Variants in MECOM observed in about 807,000 individuals in gnomAD.
MECOM encodes histone-lysine N-methyltransferase MECOM.
Under a neutral mutation model 116.3 loss-of-function variants are expected in MECOM, and 13 were observed. The ratio of observed to expected loss-of-function variants is 0.11; its 90% CI spans 0.07 to 0.18. MECOM has a LOEUF of 0.18. Among genes scored for constraint, MECOM ranks in the 10% least tolerant of loss-of-function variants. The pLI is 1.00. For synonymous variants in MECOM, 528 were observed against 535.2 expected (o/e 0.99, Z 0.19); for missense variants, 1,299 against 1,509.0 (o/e 0.86, Z 2.31).
At chr3:169,293,114 G>A (rs746309652) in intron 2 of MECOM, among the ~76,000 whole-genome samples, 4 of 152,172 alleles carry the variant, frequency 2.6e-5, no homozygotes, top group Non-Finnish European at 4.4e-5. Context: ...CCTATCGCAG[G>A]AGGAGTCAGC....
intron 2 of MECOM, among the ~76,000 whole-genome samples, chr3:169,282,519 C>T (rs1205943289): frequency 6.6e-6 from 1 of 152,040 alleles, no homozygotes; most frequent in African/African-American, 2.4e-5. Flanking sequence ...TTAAATAGAC[C>T]ACTTTTATTT....
chr3:169,303,404 A>G (rs1717116305), intron 2 of MECOM, among the ~76,000 whole-genome samples: 1 of 152,272 alleles, frequency 6.6e-6, no homozygotes, highest in African/African-American at 2.4e-5. Flanking sequence ...CTAAATGCCA[A>G]CTCTGTGCCT....
At chr3:169,316,894 A>G (rs1338754669) in intron 2 of MECOM, among the ~76,000 whole-genome samples, 1 of 152,218 alleles carries the variant, frequency 6.6e-6, no homozygotes, top group Non-Finnish European at 1.5e-5. Flanking sequence ...ACTGTGTGTC[A>G]TTAGTTAAAA....
chr3:169,301,900 C>T (rs1716784967), intron 2 of MECOM, among the ~76,000 whole-genome samples: 1 of 151,704 alleles, frequency 6.6e-6, no homozygotes. Context: ...ATGATGGGGG[C>T]AACACAAAGG....
At chr3:169,112,996 T>TA (rs1217538390) in intron 8 of MECOM, 122 bp from the exon 9 acceptor site, 2 of 671,372 alleles carry the variant, frequency 3.0e-6, no homozygotes, top group African/African-American at 3.6e-5. Flanking sequence ...AGCGCACTCA[T>TA]AAAACTATAG....
chr3:169,199,419 C>A (rs1221851213), intron 2 of MECOM, among the ~76,000 whole-genome samples: 1 of 151,892 alleles, frequency 6.6e-6, no homozygotes, highest in African/African-American at 2.4e-5. Flanking sequence ...TGTTTTCTTT[C>A]TTTTCTTTTC....
At chr3:169,355,166 T>C (rs1370204086) in intron 2 of MECOM, among the ~76,000 whole-genome samples, 1 of 151,982 alleles carries the variant, frequency 6.6e-6, no homozygotes, top group East Asian at 1.9e-4. Context: ...TGAGTGCGAT[T>C]AGCAGCGAAA....
At chr3:169,365,854 A>G (rs1729065265) in intron 2 of MECOM, among the ~76,000 whole-genome samples, 3 of 152,046 alleles carry the variant, frequency 2.0e-5, no homozygotes, top group African/African-American at 7.2e-5. Context: ...AAAAATTGGG[A>G]AAGGGTCTGT....
At chr3:169,423,789 A>T (rs905563713) in intron 1 of MECOM, among the ~76,000 whole-genome samples, 1 of 152,140 alleles carries the variant, frequency 6.6e-6, no homozygotes, top group African/African-American at 2.4e-5. Flanking sequence ...AAAGACAAAG[A>T]TTCAGTTCTC....
At chr3:169,652,377 A>C (rs1426929825) in intron 1 of MECOM, among the ~76,000 whole-genome samples, 1 of 152,208 alleles carries the variant, frequency 6.6e-6, no homozygotes, top group Admixed American at 6.5e-5. Flanking sequence ...TATGCTAAGC[A>C]TAAAAGCTGT....
At chr3:169,288,811 C>T (rs1713892992) in intron 2 of MECOM, among the ~76,000 whole-genome samples, 1 of 152,176 alleles carries the variant, frequency 6.6e-6, no homozygotes, top group South Asian at 2.1e-4. Flanking sequence ...CTTTCAACTA[C>T]CTGTGTTATC....
chr3:169,415,020 G>A (rs4955652), intron 1 of MECOM, among the ~76,000 whole-genome samples: 6,741 of 152,202 alleles, frequency 0.044, 455 homozygotes, highest in Admixed American at 0.19. Flanking sequence ...TCAAATTCAG[G>A]AAATACAGAG....
chr3:169,483,047 A>G (rs1032931178), intron 1 of MECOM, among the ~76,000 whole-genome samples: 2 of 152,164 alleles, frequency 1.3e-5, no homozygotes, highest in African/African-American at 4.8e-5. Flanking sequence ...CTTGGTATTC[A>G]CCTCAACTCG....
intron 2 of MECOM, among the ~76,000 whole-genome samples, chr3:169,237,986 C>T (rs1484532325): frequency 6.6e-6 from 1 of 151,788 alleles, no homozygotes; most frequent in Non-Finnish European, 1.5e-5. Context: ...ACCAGCCTGG[C>T]CAGCATGGTG....
At position 169,083,515 on chromosome 3, in the gene MECOM, G is replaced by C. The variant is rs1716813747; in HGVS notation, c.*1394C>G. The C allele has an allele frequency of 1.1e-5, 2 of 181,074 alleles. No homozygotes were observed. Among genetic ancestry groups the C allele is most frequent in the African/African-American group, 4.7e-5 (2 of 42,452 alleles). 11.2% of individuals were successfully genotyped at this position (181,074 alleles called of 1,614,324 possible). ...ACAGTGGGGAAAAATACTCCTTTTT[G>C]TAAGTCTTTATTTTTTAGTTGCTCC... On this transcript the variant is annotated 3_prime_UTR_variant, in exon 17 of 17. Coordinates refer to ENST00000651503, the MANE Select transcript of MECOM (RefSeq NM_004991.4).
At chr3:169,581,622 T>C (rs1182381043) in intron 1 of MECOM, among the ~76,000 whole-genome samples, 1 of 152,196 alleles carries the variant, frequency 6.6e-6, no homozygotes, top group East Asian at 1.9e-4. Context: ...AGAACTCTAT[T>C]CATTTTCTTG....
At chr3:169,177,308 C>T (rs943922330) in intron 2 of MECOM, among the ~76,000 whole-genome samples, 2 of 152,132 alleles carry the variant, frequency 1.3e-5, no homozygotes, top group African/African-American at 4.8e-5. Flanking sequence ...GAGATCATGT[C>T]CTTTGCAGGG....
rs562956540 is a variant in MECOM, at chr3:169,466,424, C to T, written c.38-84900G>A. 7.2e-5 allele frequency among the ~76,000 whole-genome samples: 11 copies of T among 152,266 alleles called. No individual in the cohort carries two copies. The East Asian group carries it at 2.1e-3, about 29-fold the overall frequency. ...GCAAGATAAATGAAAGACTGGTTCA[C>T]TGGAGTACTGGTGGTTTGGGGGCTA... On this transcript the variant is annotated intron_variant, in intron 1 of 16. Transcript: ENST00000651503.
At chr3:169,221,529 T>C (rs1752128914) in intron 2 of MECOM, among the ~76,000 whole-genome samples, 1 of 150,148 alleles carries the variant, frequency 6.7e-6, no homozygotes, top group Non-Finnish European at 1.5e-5. Flanking sequence ...CTTTTTGCTG[T>C]ACTCAAGAGC....
Sources: gnomAD v4.1 joint callset for allele counts (sites outside exome capture counted in the v4.1 genomes callset) on GRCh38, gnomAD v4.1.1 for gene constraint, MANE v1.5 for transcripts, NCBI Gene and HGNC (gene_info 2026-07-23, HGNC 2026-07-21) for gene names.